Variants in MCF2L observed in about 807,000 individuals in gnomAD.
MCF2L encodes MCF.2 cell line derived transforming sequence like.
A neutral mutation model predicts 153.4 loss-of-function variants in MCF2L; 97 were observed. The ratio of observed to expected loss-of-function variants is 0.63; its 90% CI spans 0.54 to 0.75. MCF2L has a LOEUF of 0.75. MCF2L is among the 30% of genes least tolerant of loss of function. MCF2L has a pLI of 0.00. For synonymous variants in MCF2L, 659 were observed against 632.2 expected (o/e 1.04, Z -0.64); for missense variants, 1,347 against 1,495.2 (o/e 0.90, Z 1.64).
rs544873404 is a variant in MCF2L, at chr13:112,932,160, C to T, written c.169+29789C>T. 1.3e-5 allele frequency among the ~76,000 whole-genome samples: 2 copies of T among 152,244 alleles called. No individual in the cohort carries two copies. The highest frequency in any genetic ancestry group is 2.4e-5 in the African/African-American group (1 of 41,540). On this transcript the variant is annotated intron_variant, in intron 2 of 29. Transcript: ENST00000375608. This position sits in a 1 kb window ranked among gnomAD's most constrained non-coding sequence, Gnocchi z 4.6. ...AGTAACTTCCCAGCAGAGGACCTGACGACCTGAGCCAGGCAATCGAGGTCA... is the reference window on the plus strand; with the variant it reads ...AGTAACTTCCCAGCAGAGGACCTGATGACCTGAGCCAGGCAATCGAGGTCA...
At chr13:112,975,545 C>T (rs933990971) in intron 1 of MCF2L, among the ~76,000 whole-genome samples, 2 of 152,224 alleles carry the variant, frequency 1.3e-5, no homozygotes, top group Admixed American at 6.5e-5. Flanking sequence ...AGGCAGGAAG[C>T]TGTGGGGACC....
At chr13:112,987,490 C>A (rs2140948525) in intron 1 of MCF2L, among the ~76,000 whole-genome samples, 1 of 152,352 alleles carries the variant, frequency 6.6e-6, no homozygotes, top group African/African-American at 2.4e-5. Flanking sequence ...AGTTGGCCTT[C>A]TGCAGCCGCA....
At chr13:113,038,982 C>T (rs891290351) in intron 3 of MCF2L, among the ~76,000 whole-genome samples, 6 of 152,312 alleles carry the variant, frequency 3.9e-5, no homozygotes, top group South Asian at 4.1e-4. Context: ...CTTAGCCTCC[C>T]GCATAGCTGG....
At chr13:113,022,063 C>A (rs1475683697) in intron 2 of MCF2L, among the ~76,000 whole-genome samples, 2 of 152,206 alleles carry the variant, frequency 1.3e-5, no homozygotes, top group Non-Finnish European at 2.9e-5. Flanking sequence ...GGCTGCCCTG[C>A]TGACTGCACC....
chr13:113,097,015 G>A lies in MCF2L; in HGVS notation c.*156G>A. ...AGAGGACCCCTCCGGGGCAGAGGCA[G>A]GTTCCACGGAAGACCCCGGCCCGCT... On this transcript the variant is annotated 3_prime_UTR_variant, in exon 30 of 30. Coordinates refer to ENST00000535094, the MANE Select transcript of MCF2L (RefSeq NM_001112732.3). 2.2e-6 allele frequency: 1 copy of A among 457,896 alleles called. No homozygotes were observed. The highest frequency in any genetic ancestry group is 3.5e-6 in the Non-Finnish European group (1 of 281,952). 28.4% of individuals were successfully genotyped at this position (457,896 alleles called of 1,614,324 possible).
rs1312988864 is a variant in MCF2L at position 112,983,838 on chromosome 13, T to C, written c.79+14380T>C. On this transcript the variant is annotated intron_variant, in intron 1 of 29. Coordinates refer to ENST00000535094, the MANE Select transcript of MCF2L (RefSeq NM_001112732.3). This position sits in a 1 kb window ranked among gnomAD's most constrained non-coding sequence, Gnocchi z 4.0. Reference sequence around the variant, plus strand: ...TTCTGCATCTCTGTGGACAGACCTCTCCCCGTGCTGCAGCTGTTTTCCTTG... The same window carrying C: ...TTCTGCATCTCTGTGGACAGACCTCCCCCCGTGCTGCAGCTGTTTTCCTTG... Among the ~76,000 whole-genome samples, 3 of 152,140 alleles carry C rather than the reference T, an allele frequency of 2.0e-5. No individual in the cohort carries two copies. Among genetic ancestry groups the C allele is most frequent in the Non-Finnish European group, 4.4e-5 (3 of 68,030 alleles).
At chr13:113,002,348 CAT>C (rs1210701113) in intron 1 of MCF2L, among the ~76,000 whole-genome samples, 1 of 152,254 alleles carries the variant, frequency 6.6e-6, no homozygotes, top group Non-Finnish European at 1.5e-5. Context: ...CGAGGTTTTT[CAT>C]AGACAGGCTA....
intron 2 of MCF2L, among the ~76,000 whole-genome samples, chr13:112,961,591 C>T (rs2081826800): frequency 6.6e-6 from 1 of 152,344 alleles, no homozygotes; most frequent in Middle Eastern, 3.4e-3. Context: ...GGCCAGAGCC[C>T]ACCCCTCTCG....
At chr13:112,972,375 A>ATGGG (rs2082069634) in intron 1 of MCF2L, among the ~76,000 whole-genome samples, 2 of 141,726 alleles carry the variant, frequency 1.4e-5, no homozygotes, top group Non-Finnish European at 3.1e-5. Context: ...GGATGGATGG[A>ATGGG]TGGATGGATG....
rs559225145 is a variant in MCF2L, at chr13:112,908,603, G to A, written c.169+6232G>A. 9.2e-5 allele frequency among the ~76,000 whole-genome samples: 14 copies of A among 152,268 alleles called. No homozygotes were observed. The East Asian group carries it at 2.5e-3, about 27-fold the overall frequency. On this transcript the variant is annotated intron_variant, in intron 2 of 29. Transcript: ENST00000375608. ...TCTGCCTGAGTGCTCTACAATATGTGCTCTATGATTAAAGTCGGATTTCTC... is the reference window on the plus strand; with the variant it reads ...TCTGCCTGAGTGCTCTACAATATGTACTCTATGATTAAAGTCGGATTTCTC...
rs916370687 is a variant in MCF2L, at chr13:112,904,552, G to A, written c.169+2181G>A. On this transcript the variant is annotated intron_variant, in intron 2 of 29. Transcript: ENST00000375608. The surrounding 1 kb of genome is among the most constrained non-coding windows in gnomAD (Gnocchi z 4.2). ...ATCTGACTTCTTCCTCCCCTAACTC[G>A]CAAAACCTCTCTGATCCCTGAGTCC... Among the ~76,000 whole-genome samples, 2 of 152,188 alleles carry A rather than the reference G, an allele frequency of 1.3e-5. No homozygotes were observed. The highest frequency in any genetic ancestry group is 1.9e-4 in the East Asian group (1 of 5,202).
Position 113,046,335 on chromosome 13 carries a change from C to T in MCF2L, c.369+974C>T, listed in dbSNP as rs1461436239. The T allele has an allele frequency of 3.2e-6, 1 of 316,998 alleles. No homozygotes were observed. The allele number at this position is 316,998 out of a possible 1,614,324, so 19.6% of individuals were successfully genotyped here. A position where few individuals can be genotyped will look rare whatever the true frequency, so the allele number is the denominator to read the frequency against. The stretch of plus-strand genomic sequence containing the variant: ...TGCATGTTCTCACGCCCGCCACAGC[C>T]CGTCCCTCCCAGGCTCTGGGACCCT... On this transcript the variant is annotated intron_variant, in intron 4 of 29. Coordinates refer to ENST00000535094, the MANE Select transcript of MCF2L (RefSeq NM_001112732.3). The surrounding 1 kb of genome is among the most constrained non-coding windows in gnomAD (Gnocchi z 4.4).
chr13:113,004,137 GC>G (rs1320261527), intron 1 of MCF2L, among the ~76,000 whole-genome samples: 3 of 152,168 alleles, frequency 2.0e-5, no homozygotes, highest in South Asian at 2.1e-4. Context: ...CCTCCCCCCG[GC>G]CCAGCGAGTA....
chr13:112,978,686 G>T (rs1335878278), intron 1 of MCF2L, among the ~76,000 whole-genome samples: 1 of 152,234 alleles, frequency 6.6e-6, no homozygotes, highest in Non-Finnish European at 1.5e-5. Context: ...TTCTTTTGCT[G>T]CAAACCAGAT....
chr13:113,087,146 T>C (rs2034710382), intron 21 of MCF2L, 89 bp from the exon 22 acceptor site: 5 of 1,180,078 alleles, frequency 4.2e-6, no homozygotes, highest in Non-Finnish European at 6.0e-6. Context: ...TGGGTGGGCT[T>C]TGCAGAGTGG....
intron 2 of MCF2L, among the ~76,000 whole-genome samples, chr13:112,929,965 C>T (rs1206625691): frequency 6.6e-6 from 1 of 152,194 alleles, no homozygotes; most frequent in Admixed American, 6.5e-5. Flanking sequence ...AAAACCAGTG[C>T]CAGAAAAGAT....
intron 2 of MCF2L, among the ~76,000 whole-genome samples, chr13:112,911,016 G>A (rs2081225482): frequency 6.6e-6 from 1 of 150,476 alleles, no homozygotes. Context: ...TGGGGGCGGG[G>A]CGGGGGTGGG....
At chr13:113,090,424 C>T (rs997230289) in intron 26 of MCF2L, 2 of 984,054 alleles carry the variant, frequency 2.0e-6, no homozygotes, top group Non-Finnish European at 2.4e-6. Flanking sequence ...CAGGCCCCCT[C>T]CTTCCTCTCC....
At chr13:112,937,882 G>A (rs889528952) in intron 2 of MCF2L, among the ~76,000 whole-genome samples, 21 of 151,698 alleles carry the variant, frequency 1.4e-4, no homozygotes, top group African/African-American at 5.1e-4. Context: ...GTTCAGGTGA[G>A]TTCTGATGTG....
Sources: allele counts gnomAD v4.1 joint callset (sites outside exome capture counted in the v4.1 genomes callset), GRCh38; gene constraint gnomAD v4.1.1; non-coding constraint Gnocchi (gnomAD v3.1); transcripts MANE v1.5; gene names NCBI Gene and HGNC (gene_info 2026-07-23, HGNC 2026-07-21).